Variants in CHKA observed in about 807,000 individuals in gnomAD.
The protein encoded by CHKA is choline kinase alpha.
CHKA carries 34 observed loss-of-function variants against 60.1 expected under a neutral mutation model. The observed-to-expected ratio is 0.57, with a 90% CI of 0.43 to 0.75. The LOEUF (loss-of-function observed/expected upper bound fraction) is 0.75. Among genes scored for constraint, CHKA ranks in the 30% least tolerant of loss-of-function variants. The pLI is 0.00. For synonymous variants in CHKA, 217 were observed against 223.1 expected (o/e 0.97, Z 0.24); for missense variants, 563 against 561.3 (o/e 1.00, Z -0.03).
intron 2 of CHKA, among the ~76,000 whole-genome samples, chr11:68,090,359 T>C (rs928673839): frequency 1.3e-5 from 2 of 152,208 alleles, no homozygotes; most frequent in African/African-American, 2.4e-5. Flanking sequence ...CTTAAATTCC[T>C]AATGATCCTA....
At chr11:68,058,541 T>C (rs1565170934) in intron 11 of CHKA, among the ~76,000 whole-genome samples, 1 of 152,226 alleles carries the variant, frequency 6.6e-6, no homozygotes, top group Non-Finnish European at 1.5e-5. Flanking sequence ...ATTAAACATT[T>C]TTCCATGTAC....
intron 2 of CHKA, among the ~76,000 whole-genome samples, chr11:68,087,067 T>C (rs1464995279): frequency 6.6e-6 from 1 of 152,208 alleles, no homozygotes; most frequent in African/African-American, 2.4e-5. Context: ...CAATACTACA[T>C]GAGCTGCTGT....
At chr11:68,104,317 AGAGGC>A (rs1857836164) in intron 1 of CHKA, among the ~76,000 whole-genome samples, 4 of 152,262 alleles carry the variant, frequency 2.6e-5, no homozygotes, top group Non-Finnish European at 5.9e-5. Context: ...AGTGCTTACC[AGAGGC>A]GAGGGGAGGG....
intron 3 of CHKA, among the ~76,000 whole-genome samples, chr11:68,076,321 T>C (rs1371857765): frequency 6.6e-6 from 1 of 152,198 alleles, no homozygotes; most frequent in East Asian, 1.9e-4. Flanking sequence ...CTTAAAACCT[T>C]AGAGAATGAA....
At chr11:68,106,189 A>G (rs960277319) in intron 1 of CHKA, among the ~76,000 whole-genome samples, 1 of 152,224 alleles carries the variant, frequency 6.6e-6, no homozygotes, top group Non-Finnish European at 1.5e-5. Flanking sequence ...ACCTCTACGG[A>G]GTAATCAGGA....
intron 2 of CHKA, among the ~76,000 whole-genome samples, chr11:68,084,520 A>T (rs1483890731): frequency 6.7e-6 from 1 of 150,238 alleles, no homozygotes; most frequent in Non-Finnish European, 1.5e-5. Flanking sequence ...AGATATTAAA[A>T]TACATTGTAT....
intron 11 of CHKA, among the ~76,000 whole-genome samples, chr11:68,060,194 A>T (rs1012197020): frequency 1.9e-3 from 281 of 145,024 alleles, no homozygotes; most frequent in African/African-American, 5.7e-3. Context: ...GGCCCAGCTA[A>T]TTTTTTTTTT....
At chr11:68,073,960 G>A (rs1856703816) in intron 4 of CHKA, among the ~76,000 whole-genome samples, 1 of 152,164 alleles carries the variant, frequency 6.6e-6, no homozygotes, top group Non-Finnish European at 1.5e-5. Flanking sequence ...GACGAGCATT[G>A]CCAATCAAAG....
Position 68,070,868 on chromosome 11 carries a change from A to C in CHKA, c.631-11T>G. 1 of 1,603,962 alleles carries C rather than the reference A, an allele frequency of 6.2e-7. No individual in the cohort carries two copies. Among genetic ancestry groups the C allele is most frequent in the Non-Finnish European group, 8.5e-7 (1 of 1,172,822 alleles). ...ATCTAATCGCCGGCTCTGAAAAAGA[A>C]AAGGGAGTTAAAAACTGACATTTAC... On this transcript the variant is annotated splice_polypyrimidine_tract_variant and intron_variant, in intron 4 of 11. Transcript: ENST00000265689.
At chr11:68,084,395 C>A (rs1488547706) in intron 2 of CHKA, among the ~76,000 whole-genome samples, 1 of 106,274 alleles carries the variant, frequency 9.4e-6, no homozygotes, top group African/African-American at 3.5e-5. Context: ...TATATACACA[C>A]ATATACGTAT....
In CHKA at chr11:68,064,577, T is replaced by C; in HGVS notation, c.1180A>G (p.Ser394Gly). Residue 394 changes from serine to glycine, a missense_variant, in exon 10 of 12, where the codon AGT becomes GGT. Ser to Gly is a moderately conservative substitution (Grantham distance 56). Coordinates refer to ENST00000265689, the MANE Select transcript of CHKA (RefSeq NM_001277.3). The stretch of plus-strand genomic sequence containing the variant: ...TTTATAATGGATTTTTCTTCAGTAC[T>C]GAGGTTTTCAAAGTCATTTTGGAAT... The part of the protein sequence containing the change: ...PAFQNDFENL[S>G]TEEKSIIKEE... 6.3e-7 allele frequency: 1 copy of C among 1,596,470 alleles called. No homozygotes were observed. Among genetic ancestry groups the C allele is most frequent in the Non-Finnish European group, 8.5e-7 (1 of 1,173,920 alleles).
At chr11:68,083,689 G>A (rs1857061801) in intron 2 of CHKA, among the ~76,000 whole-genome samples, 1 of 152,004 alleles carries the variant, frequency 6.6e-6, no homozygotes, top group Non-Finnish European at 1.5e-5. Context: ...ACTATAAGTG[G>A]TAGTAAATCC....
chr11:68,097,098 G>C lies in CHKA; in HGVS notation c.383C>G (p.Ser128Cys). ...GGLSNMLFQC[S>C]LPDTTATLGD... ...AAGGGTGGCTGTGGTGTCAGGTAGG[G>C]AGCACTGGAACAGCATGTTGCTAAG... is the stretch of plus-strand genomic sequence containing the variant. The change falls in exon 2 of 12, where the codon TCC becomes TGC. Residue 128 changes from serine (S) to cysteine (C), a missense_variant. Physicochemically the swap from Ser to Cys is moderately radical, Grantham distance 112. Coordinates refer to ENST00000265689, the MANE Select transcript of CHKA (RefSeq NM_001277.3). 6.2e-7 allele frequency: 1 copy of C among 1,613,792 alleles called. No homozygotes were observed. The highest frequency in any genetic ancestry group is 1.3e-5 in the African/African-American group (1 of 75,028).
intron 1 of CHKA, among the ~76,000 whole-genome samples, chr11:68,098,271 CAAAAAAAAAAA>C (rs57972693): frequency 2.5e-5 from 3 of 120,736 alleles, no homozygotes; most frequent in East Asian, 2.4e-4. Flanking sequence ...ACTCCTATCT[CAAAAAAAAAAA>C]AAAAAAAAAA....
At chr11:68,081,542 G>T in intron 2 of CHKA, 85 bp from the exon 3 acceptor site, 1 of 1,108,828 alleles carries the variant, frequency 9.0e-7, no homozygotes, top group South Asian at 1.3e-5. Flanking sequence ...AACAGTCAGG[G>T]TTTACAAAAC....
chr11:68,099,732 G>A (rs575576974), intron 1 of CHKA, among the ~76,000 whole-genome samples: 84 of 152,286 alleles, frequency 5.5e-4, no homozygotes, highest in African/African-American at 1.7e-3. Context: ...GCAACAGAAC[G>A]GGCATTAAAA....
At chr11:68,066,282 C>A (rs1028282874) in intron 8 of CHKA, 147 bp downstream of exon 8, 1 of 670,442 alleles carries the variant, frequency 1.5e-6, no homozygotes, top group Non-Finnish European at 2.6e-6. Context: ...CCATCACCGG[C>A]CACTGGACGA....
chr11:68,108,726 C>G (rs1858014896), intron 1 of CHKA, among the ~76,000 whole-genome samples: 1 of 151,916 alleles, frequency 6.6e-6, no homozygotes, highest in Non-Finnish European at 1.5e-5. Flanking sequence ...CCTGGGTGAC[C>G]GCAAGGCTCT....
chr11:68,078,364 G>A (rs375059319), intron 3 of CHKA, among the ~76,000 whole-genome samples: 2 of 152,328 alleles, frequency 1.3e-5, no homozygotes, highest in East Asian at 1.9e-4. Flanking sequence ...TGAGGCAGGC[G>A]CCACTGCCAG....
Sources: allele counts gnomAD v4.1 joint callset (sites outside exome capture counted in the v4.1 genomes callset), GRCh38; gene constraint gnomAD v4.1.1; transcripts MANE v1.5; gene names NCBI Gene and HGNC (gene_info 2026-07-23, HGNC 2026-07-21).